The following MUC5B variants were observed in gnomAD, a reference collection of about 807,000 sequenced individuals.
The protein encoded by MUC5B is mucin-5B.
A neutral mutation model predicts 376.9 loss-of-function variants in MUC5B; 116 were observed. That is an observed-to-expected ratio of 0.31 (90% confidence interval 0.26 to 0.36). MUC5B has a LOEUF of 0.36. MUC5B is among the 10% of genes least tolerant of loss of function. The pLI, the probability that MUC5B is intolerant of heterozygous loss-of-function variation, is 1.00. For missense variants in MUC5B, 7,165 were observed against 7,769.9 expected (o/e 0.92, Z 2.93); for synonymous variants, 3,517 against 3,390.9 (o/e 1.04, Z -1.29).
At chr11:1,260,809 C>A in intron 48 of MUC5B, 81 bp downstream of exon 48, 1 of 1,094,560 alleles carries the variant, frequency 9.1e-7, no homozygotes, top group Non-Finnish European at 1.4e-6. Context: ...TGGCAGCCTG[C>A]TCTGGGTCAG....
rs1240531955 is a variant in MUC5B, at chr11:1,241,829, T to C, written c.4949T>C (p.Val1650Ala). The change falls in exon 31 of 49, where the codon GTC (valine) becomes GCC (alanine). Residue 1650 changes from valine to alanine, a missense_variant. Transcript: ENST00000529681. ...TRAPPASTTA[V>A]PTLSEGLTSP... ...GCTCCCCCGGCCAGCACCACAGCAG[T>C]CCCCACCCTCTCAGAAGGACTGACA... The C allele has an allele frequency of 6.2e-7, 1 of 1,612,726 alleles. No individual in the cohort carries two copies. Among genetic ancestry groups the C allele is most frequent in the East Asian group, 2.2e-5 (1 of 44,796 alleles).
At position 1,242,081 on chromosome 11, in the gene MUC5B, G is replaced by T. The variant is rs1340161283; in HGVS notation, c.5201G>T (p.Ser1734Ile). ...AGAGCTCGCCCGACAGGCACAGCCA[G>T]CACCGCTTCCAAAGAGCCGCTGACC... The part of the protein sequence containing the change: ...TSRARPTGTA[S>I]TASKEPLTTS... Residue 1734 changes from serine to isoleucine, a missense_variant, in exon 31 of 49, where the codon AGC becomes ATC. By Grantham distance (142) the Ser-to-Ile change is moderately radical. This residue lies in a region of MUC5B where 897 missense variants were observed against 779.6 expected (regional missense o/e 1.15). Coordinates refer to ENST00000529681, the MANE Select transcript of MUC5B (RefSeq NM_002458.3). 6.2e-7 allele frequency: 1 copy of T among 1,610,018 alleles called. No homozygotes were observed. The highest frequency in any genetic ancestry group is 8.5e-7 in the Non-Finnish European group (1 of 1,178,510).
Position 1,244,205 on chromosome 11 carries a change from C to G in MUC5B, c.7325C>G (p.Thr2442Arg). ...TGGATCCTCACAGAGCTGACCACAA[C>G]AGCCACTACGACTGAGTCCACTGGA... ...TTWILTELTTTATTTESTGST... is the reference protein window; with the variant it reads ...TTWILTELTTRATTTESTGST... Residue 2442 changes from threonine (T) to arginine (R), a missense_variant, in exon 31 of 49, where the codon ACA (threonine) becomes AGA (arginine). Coordinates refer to ENST00000529681, the MANE Select transcript of MUC5B (RefSeq NM_002458.3). The G allele has an allele frequency of 6.2e-7, 1 of 1,612,470 alleles. No homozygotes were observed. Among genetic ancestry groups the G allele is most frequent in the Non-Finnish European group, 8.5e-7 (1 of 1,178,862 alleles).
rs376143601 is a variant in MUC5B, at chr11:1,243,931, G to A, written c.7051G>A (p.Val2351Ile). The change falls in exon 31 of 49, where the codon GTC becomes ATC. Residue 2351 changes from valine to isoleucine, a missense_variant. Coordinates refer to ENST00000529681, the MANE Select transcript of MUC5B (RefSeq NM_002458.3). ...CAACATCCGTGCGGCCGGAGGGGCC[G>A]TCTGTGAGCAGCCCCTGGGCCTCGA... ...YSNIRAAGGAVCEQPLGLECR... is the reference protein window; with the variant it reads ...YSNIRAAGGAICEQPLGLECR... 1.9e-3 allele frequency: 3,066 copies of A among 1,606,324 alleles called. 4 individuals carry two copies. Among genetic ancestry groups the A allele is most frequent in the Middle Eastern group, 5.4e-3 (24 of 4,414 alleles).
chr11:1,227,143 C>T lies in MUC5B; in HGVS notation c.574C>T (p.Leu192=), dbSNP rs1329296326. ...CCTGTGGAACGGAGAGGACAGTGCC[C>T]TGGTGAGGAAGCCCCCTCGCCCCTT... ...TFLWNGEDSA[L]LELDPKYANQ... is the part of the protein sequence containing the mutation. The change falls in exon 5 of 49, where the codon CTG becomes TTG. Residue 192 remains leucine (L), a splice_region_variant and synonymous_variant. Coordinates refer to ENST00000529681, the MANE Select transcript of MUC5B (RefSeq NM_002458.3). 1 of 1,610,276 alleles carries T rather than the reference C, an allele frequency of 6.2e-7. No homozygotes were observed. The highest frequency in any genetic ancestry group is 1.1e-5 in the South Asian group (1 of 90,954).
rs1160429624 is a variant in MUC5B, at chr11:1,258,887, T to A, written c.16594-55T>A. The A allele has an allele frequency of 6.5e-7, 1 of 1,546,168 alleles. No homozygotes were observed. Among genetic ancestry groups the A allele is most frequent in the Non-Finnish European group, 8.7e-7 (1 of 1,145,468 alleles). ...GGCCCCATTGGGTCATGGGGAGGGG[T>A]CCTGGCCCTGTTGCCCCACCAGTGC... On this transcript the variant is annotated intron_variant, in intron 43 of 48. Transcript: ENST00000529681. This position sits in a 1 kb window ranked among gnomAD's most constrained non-coding sequence, Gnocchi z 5.5.
chr11:1,231,689 G>A (rs957948426), intron 14 of MUC5B, 129 bp downstream of exon 14: 57 of 1,211,382 alleles, frequency 4.7e-5, no homozygotes, highest in African/African-American at 3.7e-4. Flanking sequence ...AGGGCATGGC[G>A]GAGATCCTGG....
rs566613146 is a variant in MUC5B, at chr11:1,230,546, G to A, written c.1416G>A (p.Thr472=). Residue 472 remains threonine (T), a synonymous_variant, in exon 12 of 49, where the codon ACG becomes ACA. Transcript: ENST00000529681. ...VLAELRKCGL[T]DNENCLKAVT... Reference sequence around the variant, plus strand: ...CTGAGCTGCGGAAGTGCGGCCTGACGGACAACGAGAACTGCCTGAAAGCGG... The same window carrying A: ...CTGAGCTGCGGAAGTGCGGCCTGACAGACAACGAGAACTGCCTGAAAGCGG... 1.7e-4 allele frequency: 273 copies of A among 1,611,794 alleles called. 1 individual carries two copies. The South Asian group carries it at 2.0e-3, about 12-fold the overall frequency.
intron 3 of MUC5B, 74 bp from the exon 4 acceptor site, chr11:1,226,541 G>T (rs1590167225): frequency 1.1e-5 from 16 of 1,519,356 alleles, no homozygotes; most frequent in Non-Finnish European, 1.3e-5. Context: ...CAAAAACCAG[G>T]GTGCCTCGGC....
In MUC5B at chr11:1,257,790, G is replaced by C. The variant is rs1862881271; in HGVS notation, c.16450+80G>C. 1 of 1,455,832 alleles carries C rather than the reference G, an allele frequency of 6.9e-7. No homozygotes were observed. Among genetic ancestry groups the C allele is most frequent in the African/African-American group, 1.4e-5 (1 of 71,346 alleles). The allele number at this position is 1,455,832 out of a possible 1,614,324, so 90.2% of individuals were successfully genotyped here. On this transcript the variant is annotated intron_variant, in intron 41 of 48. Coordinates refer to ENST00000529681, the MANE Select transcript of MUC5B (RefSeq NM_002458.3). This position sits in a 1 kb window ranked among gnomAD's most constrained non-coding sequence, Gnocchi z 8.9. ...GTGCCCACCAGGGGCCTGTGGGTTG[G>C]GCACAGGAGAGCAGAGGAGAGCCAC...
chr11:1,252,275 C>T, intron 31 of MUC5B, 68 bp from the exon 32 acceptor site: 2 of 1,462,064 alleles, frequency 1.4e-6, no homozygotes, highest in South Asian at 2.7e-5. Flanking sequence ...TCTGCCTTTG[C>T]TCTCCCAGAA....
In MUC5B at chr11:1,248,729, C is replaced by T. The variant is rs377521214; in HGVS notation, c.11849C>T (p.Thr3950Met). Residue 3950 changes from threonine to methionine, a missense_variant, in exon 31 of 49, where the codon ACG becomes ATG. Coordinates refer to ENST00000529681, the MANE Select transcript of MUC5B (RefSeq NM_002458.3). The stretch of plus-strand genomic sequence containing the variant: ...GGTACTCCCCCATCACTGATCACCA[C>T]GGCCACTACGATCACGGCCACCGGC... ...TSGTPPSLIT[T>M]ATTITATGST... 7.7e-5 allele frequency: 121 copies of T among 1,563,282 alleles called. No individual in the cohort carries two copies. Among genetic ancestry groups the T allele is most frequent in the Admixed American group, 1.4e-4 (7 of 51,610 alleles).
chr11:1,261,939 C>T lies in MUC5B; in HGVS notation c.*331C>T, dbSNP rs1223142993. ...GTGTCCCTGCCACGGCCGGAGCGCC[C>T]GCGCAGCACGGATTCCAGCTGGCCA... On this transcript the variant is annotated 3_prime_UTR_variant, in exon 49 of 49. Coordinates refer to ENST00000529681, the MANE Select transcript of MUC5B (RefSeq NM_002458.3). 3.9e-5 allele frequency: 21 copies of T among 540,612 alleles called. No homozygotes were observed. The highest frequency in any genetic ancestry group is 9.0e-5 in the Admixed American group (4 of 44,686). The allele number at this position is 540,612 out of a possible 1,614,324, so 33.5% of individuals were successfully genotyped here.
At position 1,242,366 on chromosome 11, in the gene MUC5B, A is replaced by C. The variant is rs774402282; in HGVS notation, c.5486A>C (p.Glu1829Ala). 1 of 1,613,890 alleles carries C rather than the reference A, an allele frequency of 6.2e-7. No individual in the cohort carries two copies. Among genetic ancestry groups the C allele is most frequent in the African/African-American group, 1.3e-5 (1 of 75,020 alleles). The change falls in exon 31 of 49, where the codon GAG becomes GCG. Residue 1829 changes from glutamate to alanine, a missense_variant. Coordinates refer to ENST00000529681, the MANE Select transcript of MUC5B (RefSeq NM_002458.3). Reference sequence around the variant, plus strand: ...ATGTGCTGGGCACCAAAGAGCATAGAGTGCCGGGCGGAGAACTACCCCGAG... The same window carrying C: ...ATGTGCTGGGCACCAAAGAGCATAGCGTGCCGGGCGGAGAACTACCCCGAG... ...GKMCWAPKSI[E>A]CRAENYPEVS...
chr11:1,249,750 A>T lies in MUC5B; in HGVS notation c.12870A>T (p.Thr4290=). 6 of 1,611,892 alleles carry T rather than the reference A, an allele frequency of 3.7e-6. No homozygotes were observed. The highest frequency in any genetic ancestry group is 5.1e-6 in the Non-Finnish European group (6 of 1,179,108). ...KVLTSPATTP[T]ATSSKATSSS... ...TGACCAGCCCGGCCACCACACCCAC[A>T]GCCACCAGTTCCAAAGCCACTTCCT... is the stretch of plus-strand genomic sequence containing the variant. Residue 4290 remains threonine (T), a synonymous_variant, in exon 31 of 49, where the codon ACA becomes ACT. Coordinates refer to ENST00000529681, the MANE Select transcript of MUC5B (RefSeq NM_002458.3).
At chr11:1,256,109 G>A (rs1276378074) in intron 37 of MUC5B, 47 bp from the exon 38 acceptor site, 3 of 709,038 alleles carry the variant, frequency 4.2e-6, no homozygotes, top group Non-Finnish European at 7.9e-6. Flanking sequence ...GGCGGCCCTG[G>A]GCCCCCCCAA....
rs772572920 is a variant in MUC5B, at chr11:1,249,065, C to T, written c.12185C>T (p.Ser4062Leu). The T allele has an allele frequency of 1.1e-5, 17 of 1,610,614 alleles. No homozygotes were observed. The highest frequency in any genetic ancestry group is 2.2e-4 in the Middle Eastern group (1 of 4,458). ...PAATTGTTQH[S>L]TPALSSPHPS... ...GCAACCACCGGTACCACCCAGCACTCGACTCCAGCCCTGTCCAGCCCTCAC... is the reference window on the plus strand; with the variant it reads ...GCAACCACCGGTACCACCCAGCACTTGACTCCAGCCCTGTCCAGCCCTCAC... The change falls in exon 31 of 49, where the codon TCG becomes TTG. Residue 4062 changes from serine (S) to leucine (L), a missense_variant. Physicochemically the swap from Ser to Leu is moderately radical, Grantham distance 145 (BLOSUM62 -2). Around this residue, in one of 31 missense-constraint regions of MUC5B, gnomAD observed 85 missense variants for 78.2 expected, o/e 1.09. Transcript: ENST00000529681.
intron 13 of MUC5B, 68 bp from the exon 14 acceptor site, chr11:1,231,355 C>G (rs933548579): frequency 8.6e-6 from 13 of 1,520,122 alleles, no homozygotes; most frequent in Admixed American, 3.9e-5. Flanking sequence ...ACTGGATGCC[C>G]TGCCCCTCCA....
chr11:1,237,053 G>T lies in MUC5B; in HGVS notation c.3186G>T (p.Pro1062=). Residue 1062 remains proline, a synonymous_variant, in exon 25 of 49, where the codon CCG becomes CCT. Coordinates refer to ENST00000529681, the MANE Select transcript of MUC5B (RefSeq NM_002458.3). ...GNSWKLSPSC[P]DALAPKDPCT... is the part of the protein sequence containing the mutation. Reference sequence around the variant, plus strand: ...GCTGGAAGCTCTCCCCCTCCTGCCCGGACGCCCTGGCACCCAAGGACCCCT... The same window carrying T: ...GCTGGAAGCTCTCCCCCTCCTGCCCTGACGCCCTGGCACCCAAGGACCCCT... 6.3e-7 allele frequency: 1 copy of T among 1,580,874 alleles called. No individual in the cohort carries two copies. Among genetic ancestry groups the T allele is most frequent in the South Asian group, 1.2e-5 (1 of 86,376 alleles).
Sources: gnomAD v4.1 joint callset for allele counts on GRCh38, gnomAD v4.1.1 for gene constraint, gnomAD v4.1.1 regional missense constraint, Gnocchi (gnomAD v3.1) non-coding constraint, MANE v1.5 for transcripts, NCBI Gene and HGNC (gene_info 2026-07-23, HGNC 2026-07-21) for gene names.